Variants in NCOR2 observed in about 807,000 individuals in gnomAD.
NCOR2 encodes the protein nuclear receptor corepressor 2.
A neutral mutation model predicts 262.9 loss-of-function variants in NCOR2; 81 were observed. That is an observed-to-expected ratio of 0.31 (90% CI 0.26 to 0.37). The LOEUF is 0.37. Ranked by LOEUF, NCOR2 falls within the 10% of genes least tolerant of loss-of-function variation. The pLI is 1.00. For synonymous variants in NCOR2, 1,659 were observed against 1,559.3 expected (o/e 1.06, Z -1.51); for missense variants, 3,385 against 3,621.4 (o/e 0.93, Z 1.68).
intron 20 of NCOR2, among the ~76,000 whole-genome samples, chr12:124,364,643 G>A (rs1360416840): frequency 1.3e-5 from 2 of 152,084 alleles, no homozygotes; most frequent in African/African-American, 4.8e-5. Flanking sequence ...TTTCCTTCAG[G>A]AAGCCTTCCA....
At chr12:124,350,889 T>A (rs2037393742) in intron 27 of NCOR2, 152 bp from the exon 30 acceptor site, 2 of 833,382 alleles carry the variant, frequency 2.4e-6, no homozygotes, top group African/African-American at 3.5e-5. Flanking sequence ...AGAGTTTGCA[T>A]GGAACAAAAC....
At chr12:124,329,242 A>T (rs920596813) in intron 44 of NCOR2, 3 of 437,938 alleles carry the variant, frequency 6.9e-6, no homozygotes, top group African/African-American at 2.0e-5. Flanking sequence ...TGGGTGGATC[A>T]TCTGACGTCA....
intron 8 of NCOR2, among the ~76,000 whole-genome samples, chr12:124,431,960 ACAGT>A (rs1289190965): frequency 4.6e-5 from 7 of 152,022 alleles, no homozygotes; most frequent in African/African-American, 7.2e-5. Flanking sequence ...AGACAGACAC[ACAGT>A]CAGTCACACA....
chr12:124,363,698 G>A (rs771380152), exon 21 of NCOR2: 13 of 1,399,170 alleles, frequency 9.3e-6, no homozygotes, highest in East Asian at 5.5e-5. Context: ...GATGGCAGCC[G>A]CTCGCTGCTT....
chr12:124,438,067 T>G (rs961566219), intron 7 of NCOR2, 71 bp from the exon 10 acceptor site: 2 of 1,457,108 alleles, frequency 1.4e-6, no homozygotes, highest in African/African-American at 1.4e-5. Context: ...GCCATCCTGT[T>G]TGCTGAGAGT....
rs2038412000 is a variant in NCOR2 at position 124,360,042 on chromosome 12, C to T, written c.3100+2084G>A. On this transcript the variant is annotated intron_variant, in intron 22 of 46. Transcript: ENST00000405201. ...ACGGGCTGAGTGCCAGCCGCGGGAA[C>T]TGCTGGCCGGTGGCTCCCTTTCTCC... is the stretch of plus-strand genomic sequence containing the variant. 1.3e-5 allele frequency among the ~76,000 whole-genome samples: 2 copies of T among 152,220 alleles called. 1 individual carries two copies. The highest frequency in any genetic ancestry group is 4.1e-4 in the South Asian group (2 of 4,838).
chr12:124,345,956 C>T (rs2036890065), intron 31 of NCOR2, among the ~76,000 whole-genome samples: 3 of 152,208 alleles, frequency 2.0e-5, no homozygotes, highest in Non-Finnish European at 1.5e-5. Context: ...CGTCCTCGTA[C>T]CATCGGCACG....
intron 5 of NCOR2, among the ~76,000 whole-genome samples, chr12:124,460,012 GC>G (rs2046081540): frequency 6.6e-6 from 1 of 152,172 alleles, no homozygotes; most frequent in Non-Finnish European, 1.5e-5. Flanking sequence ...TCTTGACTCA[GC>G]CTCCCCTCCC....
intron 13 of NCOR2, among the ~76,000 whole-genome samples, chr12:124,403,630 A>G (rs939430899): frequency 6.6e-6 from 1 of 152,180 alleles, no homozygotes; most frequent in Non-Finnish European, 1.5e-5. Context: ...AATGTGTACC[A>G]GGGGCACAGT....
exon 43 of NCOR2, chr12:124,332,322 A>G: frequency 6.2e-7 from 1 of 1,614,010 alleles, no homozygotes; most frequent in Non-Finnish European, 8.5e-7. Context: ...CCCTTACTGT[A>G]TTCAGGCTCA....
chr12:124,339,911 CAT>C, intron 37 of NCOR2, 93 bp downstream of exon 39: 1 of 1,090,168 alleles, frequency 9.2e-7, no homozygotes, highest in Non-Finnish European at 1.3e-6. Flanking sequence ...ACCCACCTCC[CAT>C]ATACCTCCCA....
chr12:124,325,243 G>A, exon 47 of NCOR2: 1 of 456,124 alleles, frequency 2.2e-6, no homozygotes, highest in African/African-American at 2.0e-5. Flanking sequence ...CTTTAGACAG[G>A]CAAGGATGCC....
intron 1 of NCOR2, among the ~76,000 whole-genome samples, chr12:124,525,644 G>C (rs2050425758): frequency 6.6e-6 from 1 of 152,240 alleles, no homozygotes; most frequent in Non-Finnish European, 1.5e-5. Context: ...GGCACATGGA[G>C]GCTGTCCCAC....
At chr12:124,557,606 G>A (rs529290377) in intron 1 of NCOR2, among the ~76,000 whole-genome samples, 5 of 152,318 alleles carry the variant, frequency 3.3e-5, no homozygotes, top group South Asian at 2.1e-4. Flanking sequence ...CAGGAGGGAC[G>A]TGAATGGGTG....
At chr12:124,514,511 A>G (rs2049598763) in intron 1 of NCOR2, 1 of 152,224 alleles carries the variant, frequency 6.6e-6, no homozygotes, top group South Asian at 2.1e-4. Context: ...AGAGGCCTAT[A>G]TCAGGGAGGC....
chr12:124,346,649 A>G, exon 31 of NCOR2: 4 of 1,591,184 alleles, frequency 2.5e-6, no homozygotes, highest in Non-Finnish European at 2.6e-6. Context: ...GATCTCATGG[A>G]TGGAGCGGCC....
exon 47 of NCOR2, chr12:124,325,388 C>CCCCCG: frequency 4.3e-6 from 3 of 693,388 alleles, no homozygotes; most frequent in Non-Finnish European, 6.0e-6. Flanking sequence ...CCCCCCCCCC[C>CCCCCG]GCCCTGTTCT....
chr12:124,372,679 C>CATCCCGAGGGTCAGGGCCA, intron 19 of NCOR2, 69 bp from the exon 22 acceptor site: 1 of 1,410,008 alleles, frequency 7.1e-7, no homozygotes, highest in Non-Finnish European at 9.7e-7. Context: ...ATGCATGGCC[C>CATCCCGAGGGTCAGGGCCA]TGACCCTCCG....
intron 1 of NCOR2, among the ~76,000 whole-genome samples, chr12:124,490,819 C>T (rs1408599994): frequency 6.6e-6 from 1 of 152,264 alleles, no homozygotes; most frequent in African/African-American, 2.4e-5. Flanking sequence ...AACATGACAG[C>T]ATGCAGACCT....
Sources: allele counts gnomAD v4.1 joint callset (sites outside exome capture counted in the v4.1 genomes callset), GRCh38; gene constraint gnomAD v4.1.1; transcripts MANE v1.5; gene names NCBI Gene and HGNC (gene_info 2026-07-23, HGNC 2026-07-21).